GPN1: variants seen among roughly 807,000 people sequenced by gnomAD.
GPN1 encodes GPN-loop GTPase 1.
GPN1 carries 44 observed loss-of-function variants against 55.9 expected under a neutral mutation model. The observed-to-expected ratio is 0.79, with a 90% CI of 0.62 to 1.01. GPN1 has a LOEUF of 1.01. Ranked by LOEUF, GPN1 falls within the 50% of genes least tolerant of loss-of-function variation. The pLI is 0.00. For synonymous variants in GPN1, 179 were observed against 162.5 expected (o/e 1.10, Z -0.77); for missense variants, 466 against 462.8 (o/e 1.01, Z -0.06).
At chr2:27,629,444 C>A in intron 1 of GPN1, 1 of 1,527,118 alleles carries the variant, frequency 6.5e-7, no homozygotes, top group Non-Finnish European at 8.9e-7. Context: ...TTCTCGGAGG[C>A]AAGTTACAAG....
chr2:27,629,773 T>C (rs1175773544), intron 1 of GPN1, 86 bp from the exon 2 acceptor site: 1 of 783,770 alleles, frequency 1.3e-6, no homozygotes, highest in Non-Finnish European at 2.3e-6. Context: ...AAGTGCAATA[T>C]TCTTAAGGCA....
At chr2:27,644,617 A>G (rs559350195) in intron 12 of GPN1, among the ~76,000 whole-genome samples, 1 of 150,926 alleles carries the variant, frequency 6.6e-6, no homozygotes, top group Non-Finnish European at 1.5e-5. Context: ...ATTCCTGGCT[A>G]TAGTATAAGG....
chr2:27,639,013 G>C lies in GPN1; in HGVS notation c.699G>C (p.Glu233Asp). The C allele has an allele frequency of 6.2e-7, 1 of 1,611,126 alleles. No homozygotes were observed. ...LTRSMSLVLDEFYSSLRVVGV... is the reference protein window; with the variant it reads ...LTRSMSLVLDDFYSSLRVVGV... ...GTTCAATGAGCCTGGTGTTAGATGA[G>C]TTTTACAGCTCACTCAGGGTAAATT... is the stretch of plus-strand genomic sequence containing the variant. Residue 233 changes from glutamate to aspartate, a missense_variant, in exon 9 of 14, where the codon GAG becomes GAC. Physicochemically the swap from Glu to Asp is conservative, Grantham distance 45 (BLOSUM62 2). Coordinates refer to ENST00000610189, the MANE Select transcript of GPN1 (RefSeq NM_007266.4).
intron 2 of GPN1, among the ~76,000 whole-genome samples, chr2:27,630,282 G>T (rs1327931458): frequency 6.6e-6 from 1 of 151,436 alleles, no homozygotes; most frequent in East Asian, 1.9e-4. Context: ...GTGAGACTCT[G>T]TAAAGCCTCC....
intron 13 of GPN1, among the ~76,000 whole-genome samples, chr2:27,649,044 G>A (rs566455157): frequency 6.6e-6 from 1 of 151,664 alleles, no homozygotes; most frequent in Admixed American, 6.6e-5. Context: ...AGGAGTTCAA[G>A]ACCAGCCTGA....
intron 3 of GPN1, 151 bp downstream of exon 3, chr2:27,631,217 A>G: frequency 1.6e-6 from 1 of 620,722 alleles, no homozygotes; most frequent in East Asian, 2.8e-5. Flanking sequence ...GATCAGAAAT[A>G]CTATTTCAGC....
chr2:27,628,752 T>G (rs374842230), upstream of GPN1: 19 of 1,546,064 alleles, frequency 1.2e-5, no homozygotes, highest in East Asian at 4.9e-5. Flanking sequence ...AGCCCTGCCC[T>G]CGGGACCCCA....
In GPN1 at chr2:27,650,331, TA is replaced by T. The variant is rs1353476403; in HGVS notation, c.*132del. On this transcript the variant is annotated 3_prime_UTR_variant, in exon 14 of 14. Coordinates refer to ENST00000610189, the MANE Select transcript of GPN1 (RefSeq NM_007266.4). ...TTCCTCAGAGTAGCAAAGTTTCTCT[TA>T]TTAGAGAAATCTTGTGACTCAGATG... 3.7e-6 allele frequency: 2 copies of T among 542,016 alleles called. No homozygotes were observed. The highest frequency in any genetic ancestry group is 6.6e-6 in the Non-Finnish European group (2 of 301,072). The allele number at this position is 542,016 out of a possible 1,614,324, so 33.6% of individuals were successfully genotyped here. A position where few individuals can be genotyped will look rare whatever the true frequency, so the allele number is the denominator to read the frequency against.
rs1046526838 is a variant in GPN1, at chr2:27,641,259, G to C, written c.820G>C (p.Glu274Gln). ...EYEREYRPEY[E>Q]RLKKSLANAE... ...TTACAGGGAGTATCGTCCTGAATAT[G>C]AACGTCTGAAAAAATCACTGGTAAG... The change falls in exon 11 of 14, where the codon GAA becomes CAA. Residue 274 changes from glutamate to glutamine, a missense_variant. By Grantham distance (29) the Glu-to-Gln change is conservative. Coordinates refer to ENST00000610189, the MANE Select transcript of GPN1 (RefSeq NM_007266.4). The C allele has an allele frequency of 7.5e-6, 12 of 1,609,534 alleles. No individual in the cohort carries two copies. The highest frequency in any genetic ancestry group is 1.0e-5 in the Non-Finnish European group (12 of 1,176,248).
rs777130917 is a variant in GPN1 at position 27,629,166 on chromosome 2, A to C, written c.108A>C (p.Val36=). ...GMAGSGKTTF[V]QRLTGHLHAQ... is the part of the protein sequence containing the mutation. Reference sequence around the variant, plus strand: ...CGGGATCCGGGAAAACCACTTTTGTACAGGTGACGTACACAGCATGGGTGT... The same window carrying C: ...CGGGATCCGGGAAAACCACTTTTGTCCAGGTGACGTACACAGCATGGGTGT... The change falls in exon 1 of 14, where the codon GTA becomes GTC. Residue 36 remains valine, a synonymous_variant. Coordinates refer to ENST00000610189, the MANE Select transcript of GPN1 (RefSeq NM_007266.4). 1.9e-5 allele frequency: 30 copies of C among 1,614,036 alleles called. No homozygotes were observed. The highest frequency in any genetic ancestry group is 2.7e-5 in the African/African-American group (2 of 74,926).
In GPN1 at chr2:27,631,166, T is replaced by A. The variant is rs1673539664; in HGVS notation, c.245+100T>A. The A allele has an allele frequency of 8.5e-6, 6 of 706,738 alleles. No individual in the cohort carries two copies. In the Admixed American group the frequency reaches 1.4e-4, roughly 16 times the overall value. The allele number at this position is 706,738 out of a possible 1,614,324, so 43.8% of individuals were successfully genotyped here. On this transcript the variant is annotated intron_variant, in intron 3 of 13. Coordinates refer to ENST00000610189, the MANE Select transcript of GPN1 (RefSeq NM_007266.4). ...GTTTTTGCCTTTTCCTTGTGAAATA[T>A]ACAAGCAAAAGGATGGAAGCTGATT...
At chr2:27,629,459 T>C (rs1181370534) in intron 1 of GPN1, 8 of 1,477,944 alleles carry the variant, frequency 5.4e-6, no homozygotes, top group African/African-American at 2.8e-5. Flanking sequence ...TACAAGTAAC[T>C]TTAAAGATTA....
At chr2:27,628,973 G>A (rs557778983), upstream of GPN1, 1,593 of 1,584,300 alleles carry the variant, frequency 1.0e-3, 2 homozygotes, top group Non-Finnish European at 1.3e-3. Flanking sequence ...ACGCTGTGGT[G>A]GTTTTCGTTC....
At chr2:27,629,016 C>T (rs751913442), upstream of GPN1, 8 of 1,613,060 alleles carry the variant, frequency 5.0e-6, no homozygotes, top group Non-Finnish European at 6.8e-6. Flanking sequence ...TTTCTCTACC[C>T]ATGCGGTGTC....
intron 1 of GPN1, chr2:27,629,451 C>T: frequency 1.3e-6 from 2 of 1,517,920 alleles, no homozygotes; most frequent in South Asian, 2.4e-5. Context: ...AGGCAAGTTA[C>T]AAGTAACTTT....
At chr2:27,639,395 G>T (rs1215379582) in intron 9 of GPN1, among the ~76,000 whole-genome samples, 1 of 152,194 alleles carries the variant, frequency 6.6e-6, no homozygotes, top group Non-Finnish European at 1.5e-5. Flanking sequence ...ATTTATGTAA[G>T]CAAAGGCAGA....
At chr2:27,647,724 G>T in intron 12 of GPN1, 112 bp from the exon 13 acceptor site, 1 of 659,892 alleles carries the variant, frequency 1.5e-6, no homozygotes. Context: ...AAGATCCTGC[G>T]TTTATATGTA....
chr2:27,637,334 A>G (rs980193952), intron 7 of GPN1, among the ~76,000 whole-genome samples: 2 of 151,054 alleles, frequency 1.3e-5, no homozygotes, highest in Admixed American at 6.6e-5. Context: ...GTAGTCTAAG[A>G]GTAGGGGTTG....
At chr2:27,630,386 G>GTTTT (rs202052577) in intron 2 of GPN1, among the ~76,000 whole-genome samples, 14 of 82,512 alleles carry the variant, frequency 1.7e-4, no homozygotes, top group Non-Finnish European at 2.5e-4. Flanking sequence ...AACAGCTTAG[G>GTTTT]TTTTTTTTTT....
Sources: allele counts gnomAD v4.1 joint callset (sites outside exome capture counted in the v4.1 genomes callset), GRCh38; gene constraint gnomAD v4.1.1; transcripts MANE v1.5; gene names NCBI Gene and HGNC (gene_info 2026-07-23, HGNC 2026-07-21).